TRANK1: variants seen among roughly 807,000 people sequenced by gnomAD.
TRANK1 encodes the protein tetratricopeptide repeat and ankyrin repeat containing 1, also known as TPR and ankyrin repeat-containing protein 1.
In TRANK1, 198 loss-of-function variants were observed where a neutral mutation model predicts 266.0. That is an observed-to-expected ratio of 0.74 (90% confidence interval 0.66 to 0.84). The LOEUF (loss-of-function observed/expected upper bound fraction) is 0.84, where lower values mean the gene tolerates loss of function less well. Ranked by LOEUF, TRANK1 falls within the 40% of genes least tolerant of loss-of-function variation. The probability of loss-of-function intolerance (pLI) is 0.00; values close to 1 mark genes in which losing one functional copy is unlikely to be tolerated. For missense variants in TRANK1, 3,326 were observed against 3,634.6 expected (o/e 0.92, Z 2.18); for synonymous variants, 1,396 against 1,384.1 (o/e 1.01, Z -0.19).
At chr3:36,867,381 A>AT (rs1310072273) in intron 9 of TRANK1, among the ~76,000 whole-genome samples, 1 of 152,222 alleles carries the variant, frequency 6.6e-6, no homozygotes, top group East Asian at 1.9e-4. Flanking sequence ...AAAAGACACA[A>AT]TTAGATGCAG....
intron 10 of TRANK1, 131 bp downstream of exon 10, chr3:36,864,188 G>T: frequency 1.9e-6 from 2 of 1,045,358 alleles, no homozygotes; most frequent in Non-Finnish European, 2.6e-6. Flanking sequence ...AATGCTCTGT[G>T]CTGTCTGAAT....
intron 13 of TRANK1, among the ~76,000 whole-genome samples, chr3:36,854,663 C>A (rs546584009): frequency 2.0e-5 from 3 of 152,200 alleles, no homozygotes; most frequent in African/African-American, 4.8e-5. Context: ...AAGCACTATA[C>A]GTAAACTGTT....
At chr3:36,889,786 C>G in intron 8 of TRANK1, 43 bp downstream of exon 8, 3 of 1,498,352 alleles carry the variant, frequency 2.0e-6, no homozygotes, top group African/African-American at 1.4e-5. Flanking sequence ...AAGCCTGACA[C>G]CAGCCAGCCA....
At chr3:36,941,486 C>A (rs1188089227) in intron 1 of TRANK1, among the ~76,000 whole-genome samples, 1 of 152,160 alleles carries the variant, frequency 6.6e-6, no homozygotes, top group Non-Finnish European at 1.5e-5. Flanking sequence ...AGGCAAAGGT[C>A]ATTCACATTT....
Position 36,831,831 on chromosome 3 carries a change from G to T in TRANK1, c.7752C>A (p.Leu2584=). 6.2e-7 allele frequency: 1 copy of T among 1,614,018 alleles called. No homozygotes were observed. Among genetic ancestry groups the T allele is most frequent in the Non-Finnish European group, 8.5e-7 (1 of 1,179,898 alleles). Residue 2584 remains leucine, a synonymous_variant, in exon 22 of 24, where the codon CTC becomes CTA. Coordinates refer to ENST00000645898, the MANE Select transcript of TRANK1 (RefSeq NM_001329998.2). This position sits in a 1 kb window ranked among gnomAD's most constrained non-coding sequence, Gnocchi z 5.0. ...EEILQPYCKP[L]LYRHFREIES... is the part of the protein sequence containing the mutation. ...CAATCTCCCGGAAGTGGCGATACAGGAGAGGCTTGCAGTATGGCTGCAGGA... is the reference window on the plus strand; with the variant it reads ...CAATCTCCCGGAAGTGGCGATACAGTAGAGGCTTGCAGTATGGCTGCAGGA...
In TRANK1 at chr3:36,864,343, A is replaced by C; in HGVS notation, c.1216T>G (p.Leu406Val). 6.5e-7 allele frequency: 1 copy of C among 1,534,420 alleles called. No homozygotes were observed. The highest frequency in any genetic ancestry group is 8.7e-7 in the Non-Finnish European group (1 of 1,145,886). ...CCTTGCAGAGTAGAAAGGAGACGCA[A>C]GAACCTCTGAACTACTTCCTGCTTC... Reference protein sequence around the residue: ...FLKQEVVQRFLRLLSTLQEIP... With the variant: ...FLKQEVVQRFVRLLSTLQEIP... The change falls in exon 10 of 24, where the codon TTG becomes GTG. Residue 406 changes from leucine (L) to valine (V), a missense_variant. Leu to Val is a conservative substitution (Grantham distance 32). Transcript: ENST00000645898.
Position 36,852,213 on chromosome 3 carries a change from C to T in TRANK1, c.4682G>A (p.Ser1561Asn). ...KPTVLESCSVSDLAILLRGNK... is the reference protein window; with the variant it reads ...KPTVLESCSVNDLAILLRGNK... ...CCCTCGTAGCAAAATTGCCAAGTCG[C>T]TTACACTACAAGACTCCAGAACAGT... The change falls in exon 14 of 24, where the codon AGC becomes AAC. Residue 1561 changes from serine (S) to asparagine (N), a missense_variant. Physicochemically the swap from Ser to Asn is conservative, Grantham distance 46. Transcript: ENST00000645898. 1.2e-6 allele frequency: 2 copies of T among 1,611,844 alleles called. No homozygotes were observed. The highest frequency in any genetic ancestry group is 1.1e-5 in the South Asian group (1 of 90,354).
In TRANK1 at chr3:36,879,563, T is replaced by TAAATATATAAATATATATAAATATAC. The variant is rs1559447861; in HGVS notation, c.908-5293_908-5268dup. On this transcript the variant is annotated intron_variant, in intron 8 of 23. Coordinates refer to ENST00000645898, the MANE Select transcript of TRANK1 (RefSeq NM_001329998.2). ...GTATAAATATATCTATATAAATATA[T>TAAATATATAAATATATATAAATATAC]AAATATATAAATATATATAAATATA... Among the ~76,000 whole-genome samples, 338 of 106,630 alleles carry TAAATATATAAATATATATAAATATAC rather than the reference T, an allele frequency of 3.2e-3. 83 individuals carry two copies. The highest frequency in any genetic ancestry group is 0.013 in the African/African-American group (313 of 24,400). The allele number at this position is 106,630 out of a possible 152,430, so 70.0% of individuals were successfully genotyped here.
rs114422464 is a variant in TRANK1, at chr3:36,835,984, G to C, written c.5518-1077C>G. On this transcript the variant is annotated intron_variant, in intron 20 of 23. Transcript: ENST00000645898. ...GATATAAGCTGGCAGTTTACAGTGG[G>C]GTAAACTTGAATGACTAACAAATAA... is the stretch of plus-strand genomic sequence containing the variant. 5.4e-3 allele frequency among the ~76,000 whole-genome samples: 827 copies of C among 152,158 alleles called. 9 individuals are homozygous for C. Among genetic ancestry groups the C allele is most frequent in the Middle Eastern group, 0.031 (9 of 294 alleles).
intron 8 of TRANK1, among the ~76,000 whole-genome samples, chr3:36,888,414 C>T (rs1047254368): frequency 3.3e-5 from 5 of 152,322 alleles, no homozygotes; most frequent in Middle Eastern, 3.4e-3. Flanking sequence ...TGTGATGTTA[C>T]TTGCTCAACT....
rs1297288485 is a variant in TRANK1, at chr3:36,892,322, G to A, written c.655C>T (p.Leu219Phe). Residue 219 changes from leucine (L) to phenylalanine (F), a missense_variant, in exon 7 of 24, where the codon CTT (leucine) becomes TTT (phenylalanine). Transcript: ENST00000645898. ...GGCACTTGTTCCATCTTCTCATAAAGTCCAATGAAAACGTATTTCTGGGGA... is the reference window on the plus strand; with the variant it reads ...GGCACTTGTTCCATCTTCTCATAAAATCCAATGAAAACGTATTTCTGGGGA... ...SLFEKYVFIG[L>F]YEKMEQVPKL... 2.6e-6 allele frequency: 4 copies of A among 1,536,888 alleles called. No homozygotes were observed. The East Asian group carries it at 7.3e-5, about 28-fold the overall frequency.
chr3:36,890,002 A>G, intron 7 of TRANK1, 42 bp from the exon 8 acceptor site: 1 of 1,528,726 alleles, frequency 6.5e-7, no homozygotes, highest in Non-Finnish European at 8.7e-7. Context: ...TTCCACATAC[A>G]GAAAGTCAGC....
chr3:36,854,558 C>T (rs1339073679), intron 13 of TRANK1, among the ~76,000 whole-genome samples: 1 of 152,154 alleles, frequency 6.6e-6, no homozygotes, highest in Non-Finnish European at 1.5e-5. Context: ...AGGAAATATT[C>T]CAGCATTGGT....
rs1358407527 is a variant in TRANK1, at chr3:36,855,542, G to C, written c.4180C>G (p.Leu1394Val). Residue 1394 changes from leucine to valine, a missense_variant, in exon 13 of 24, where the codon CTC becomes GTC. Physicochemically the swap from Leu to Val is conservative, Grantham distance 32. Transcript: ENST00000645898. ...CTGATTTGCTGATACAGACTGAAGAGGCTGTAGATCTCACTCCGGTCTTCC... is the reference window on the plus strand; with the variant it reads ...CTGATTTGCTGATACAGACTGAAGACGCTGTAGATCTCACTCCGGTCTTCC... Reference protein sequence around the residue: ...FKEDRSEIYSLFSLYQQIRSQ... With the variant: ...FKEDRSEIYSVFSLYQQIRSQ... 2 of 1,613,888 alleles carry C rather than the reference G, an allele frequency of 1.2e-6. No individual in the cohort carries two copies. The highest frequency in any genetic ancestry group is 1.7e-5 in the Admixed American group (1 of 60,012).
chr3:36,841,116 T>C (rs980174689), intron 18 of TRANK1, among the ~76,000 whole-genome samples: 3 of 152,236 alleles, frequency 2.0e-5, no homozygotes, highest in African/African-American at 7.2e-5. Flanking sequence ...ACTTGTGATT[T>C]CATTGTCCTC....
Position 36,919,287 on chromosome 3 carries a change from G to T in TRANK1, c.24-10833C>A, listed in dbSNP as rs1042000864. 7.9e-5 allele frequency among the ~76,000 whole-genome samples: 12 copies of T among 152,284 alleles called. No individual in the cohort carries two copies. In the South Asian group the frequency reaches 8.3e-4, roughly 11 times the overall value. On this transcript the variant is annotated intron_variant, in intron 1 of 23. Transcript: ENST00000645898. ...TAGAACATTTCCAGGTCTCCAGAAGGTTCCCTCTTGTCCATTCCTAGTCTA... is the reference window on the plus strand; with the variant it reads ...TAGAACATTTCCAGGTCTCCAGAAGTTTCCCTCTTGTCCATTCCTAGTCTA...
intron 13 of TRANK1, 104 bp downstream of exon 13, chr3:36,855,069 A>T: frequency 9.6e-7 from 1 of 1,038,542 alleles, no homozygotes; most frequent in Non-Finnish European, 1.4e-6. Flanking sequence ...TACTACCCTT[A>T]CTTCAGCTGT....
intron 9 of TRANK1, among the ~76,000 whole-genome samples, chr3:36,873,654 C>T (rs1304922229): frequency 6.6e-6 from 1 of 151,988 alleles, no homozygotes; most frequent in Non-Finnish European, 1.5e-5. Context: ...AAACAAAACC[C>T]AACAAATAGG....
intron 4 of TRANK1, among the ~76,000 whole-genome samples, chr3:36,896,520 A>G (rs2079792472): frequency 6.6e-6 from 1 of 152,200 alleles, no homozygotes; most frequent in African/African-American, 2.4e-5. Flanking sequence ...TTTACCTTCC[A>G]AAAAGGAGTA....
Sources: allele counts gnomAD v4.1 joint callset (sites outside exome capture counted in the v4.1 genomes callset), GRCh38; gene constraint gnomAD v4.1.1; non-coding constraint Gnocchi (gnomAD v3.1); transcripts MANE v1.5; gene names NCBI Gene and HGNC (gene_info 2026-07-23, HGNC 2026-07-21).